The following ATP1B3 variants were observed in gnomAD, a reference collection of about 807,000 sequenced individuals.
The protein encoded by ATP1B3 is sodium/potassium-transporting ATPase subunit beta-3.
A neutral mutation model predicts 30.2 loss-of-function variants in ATP1B3; 10 were observed. That is an observed-to-expected ratio of 0.33 (90% confidence interval 0.20 to 0.56). ATP1B3 has a LOEUF of 0.56. Ranked by LOEUF, ATP1B3 falls within the 20% of genes least tolerant of loss-of-function variation. ATP1B3 has a pLI of 0.90. For synonymous variants in ATP1B3, 113 were observed against 117.0 expected, an observed-to-expected ratio of 0.97 and a Z score of 0.22; for missense variants, 238 against 336.7, an observed-to-expected ratio of 0.71 and a Z score of 2.29.
chr3:141,888,743 G>A (rs1933881370), intron 1 of ATP1B3, among the ~76,000 whole-genome samples: 2 of 152,040 alleles, frequency 1.3e-5, no homozygotes. Context: ...CTCTTCTTGA[G>A]ATAGTGAGTA....
chr3:141,883,644 C>T (rs539789765), intron 1 of ATP1B3, among the ~76,000 whole-genome samples: 1 of 152,260 alleles, frequency 6.6e-6, no homozygotes, highest in Admixed American at 6.5e-5. Flanking sequence ...CTCTTTGATT[C>T]TCTAACCCCT....
chr3:141,879,274 T>G (rs1297141712), intron 1 of ATP1B3, among the ~76,000 whole-genome samples: 1 of 152,138 alleles, frequency 6.6e-6, no homozygotes, highest in Admixed American at 6.5e-5. Flanking sequence ...TTCATGTACA[T>G]TTTTGCACAT....
At chr3:141,905,474 C>G (rs1934248403) in intron 2 of ATP1B3, among the ~76,000 whole-genome samples, 1 of 152,198 alleles carries the variant, frequency 6.6e-6, no homozygotes, top group Non-Finnish European at 1.5e-5. Context: ...TATCTAGATC[C>G]TTGCTCACTG....
chr3:141,890,160 G>GGCTCACTCTGCCTCCTAGGCTCAA (rs1330822382), intron 1 of ATP1B3, among the ~76,000 whole-genome samples: 70 of 139,250 alleles, frequency 5.0e-4, no homozygotes, highest in Middle Eastern at 7.5e-3. Context: ...GCATGGTCTC[G>GGCTCACTCTGCCTCCTAGGCTCAA]GCTCACTCTG....
intron 1 of ATP1B3, among the ~76,000 whole-genome samples, chr3:141,887,108 C>T (rs891716673): frequency 2.6e-5 from 4 of 152,212 alleles, no homozygotes; most frequent in Non-Finnish European, 5.9e-5. Context: ...CAGCAAGATT[C>T]AAAGGACCAC....
intron 3 of ATP1B3, among the ~76,000 whole-genome samples, chr3:141,910,514 T>G (rs899847287): frequency 6.6e-6 from 1 of 152,204 alleles, no homozygotes; most frequent in Non-Finnish European, 1.5e-5. Context: ...ATTTTTAGTT[T>G]CATTATTGGT....
intron 5 of ATP1B3, chr3:141,916,493 C>G (rs2107777878): frequency 8.6e-7 from 1 of 1,158,476 alleles, no homozygotes; most frequent in Non-Finnish European, 1.2e-6. Flanking sequence ...TTCCAGAATA[C>G]TGTGCAGTTT....
At chr3:141,892,669 A>G (rs1047933302) in intron 1 of ATP1B3, among the ~76,000 whole-genome samples, 1 of 151,080 alleles carries the variant, frequency 6.6e-6, no homozygotes, top group African/African-American at 2.4e-5. Flanking sequence ...AAAAAAAAAA[A>G]AAAAAAACAG....
intron 1 of ATP1B3, among the ~76,000 whole-genome samples, chr3:141,879,777 T>TAAAAAAAAAAAA (rs1553743168): frequency 1.0e-4 from 6 of 58,808 alleles, no homozygotes; most frequent in South Asian, 6.3e-4. Context: ...AGTCTCCATC[T>TAAAAAAAAAAAA]CAAAAAAAAA....
intron 1 of ATP1B3, among the ~76,000 whole-genome samples, chr3:141,879,482 A>G (rs1020529884): frequency 3.3e-5 from 5 of 151,914 alleles, no homozygotes; most frequent in African/African-American, 7.3e-5. Flanking sequence ...AAAACCTTAC[A>G]TTTTTGGGGC....
At chr3:141,896,258 C>T (rs1177372429) in intron 1 of ATP1B3, among the ~76,000 whole-genome samples, 2 of 151,346 alleles carry the variant, frequency 1.3e-5, no homozygotes, top group East Asian at 3.9e-4. Flanking sequence ...CACTTGAAGT[C>T]AGGAATTCAA....
At chr3:141,891,452 C>T (rs1392844688) in intron 1 of ATP1B3, among the ~76,000 whole-genome samples, 2 of 152,058 alleles carry the variant, frequency 1.3e-5, no homozygotes, top group East Asian at 3.8e-4. Flanking sequence ...GGGTAAACCT[C>T]TTTTTTGTAA....
intron 1 of ATP1B3, among the ~76,000 whole-genome samples, chr3:141,895,381 G>T (rs1403376955): frequency 1.3e-5 from 2 of 151,774 alleles, no homozygotes; most frequent in Admixed American, 1.3e-4. Context: ...GTAGAGACTG[G>T]GTTTCACCAC....
intron 1 of ATP1B3, among the ~76,000 whole-genome samples, chr3:141,895,985 C>T (rs1222352782): frequency 6.6e-6 from 1 of 152,100 alleles, no homozygotes; most frequent in Non-Finnish European, 1.5e-5. Flanking sequence ...TTGGAACACA[C>T]TTTTTATGGG....
chr3:141,902,748 C>CA (rs749813699), intron 1 of ATP1B3, among the ~76,000 whole-genome samples: 49 of 152,132 alleles, frequency 3.2e-4, no homozygotes, highest in Non-Finnish European at 6.5e-4. Context: ...TTCCATTGAT[C>CA]AGAGGGCTTG....
chr3:141,922,722 T>C lies in ATP1B3; in HGVS notation c.669+659T>C, dbSNP rs181472363. ...GTGGCTCACCTGTAATCCCAGCACT[T>C]TGGGAGGCCGAGTCGGGCAGATCAC... On this transcript the variant is annotated intron_variant, in intron 6 of 6. Transcript: ENST00000286371. Among the ~76,000 whole-genome samples the C allele has an allele frequency of 2.4e-3, 366 of 152,012 alleles. 2 individuals carry two copies. Among genetic ancestry groups the C allele is most frequent in the African/African-American group, 8.5e-3 (354 of 41,464 alleles).
intron 5 of ATP1B3, chr3:141,916,289 C>A: frequency 2.1e-6 from 1 of 486,014 alleles, no homozygotes; most frequent in Non-Finnish European, 4.0e-6. Context: ...TTTTTTTCTG[C>A]CAGCTCAGTA....
intron 6 of ATP1B3, among the ~76,000 whole-genome samples, chr3:141,922,754 A>C (rs1361099180): frequency 6.6e-6 from 1 of 151,748 alleles, no homozygotes; most frequent in Non-Finnish European, 1.5e-5. Flanking sequence ...TCACGAGGTC[A>C]GGAGATCAAG....
intron 6 of ATP1B3, among the ~76,000 whole-genome samples, chr3:141,925,231 G>A (rs1386664242): frequency 6.6e-6 from 1 of 152,172 alleles, no homozygotes; most frequent in Non-Finnish European, 1.5e-5. Flanking sequence ...CTTTGGGAGG[G>A]TGAGGTGGAA....
Sources: allele counts gnomAD v4.1 joint callset (sites outside exome capture counted in the v4.1 genomes callset), GRCh38; gene constraint gnomAD v4.1.1; transcripts MANE v1.5; gene names NCBI Gene and HGNC (gene_info 2026-07-23, HGNC 2026-07-21).